GRID2: variants seen among roughly 807,000 people sequenced by gnomAD.
GRID2 encodes glutamate receptor ionotropic, delta-2.
A neutral mutation model predicts 114.8 loss-of-function variants in GRID2; 33 were observed. That is an observed-to-expected ratio of 0.29 (90% CI 0.22 to 0.38). The LOEUF is 0.38. Among genes scored for constraint, GRID2 ranks in the 10% least tolerant of loss-of-function variants. The pLI, the probability that GRID2 is intolerant of heterozygous loss-of-function variation, is 1.00. For missense variants in GRID2, 1,184 were observed against 1,257.7 expected (o/e 0.94, Z 0.89); for synonymous variants, 505 against 449.9 (o/e 1.12, Z -1.55).
In GRID2 at chr4:93,192,637, C is replaced by T. The variant is rs149098096; in HGVS notation, c.736-14767C>T. Among the ~76,000 whole-genome samples the T allele has an allele frequency of 4.2e-3, 628 of 151,234 alleles. 8 individuals carry two copies. Among genetic ancestry groups the T allele is most frequent in the African/African-American group, 0.015 (606 of 41,142 alleles). On this transcript the variant is annotated intron_variant, in intron 4 of 15. Coordinates refer to ENST00000282020, the MANE Select transcript of GRID2 (RefSeq NM_001510.4). ...TGGCAGGTGCCTCTAATCCCAGCTA[C>T]TCGGGAGGCTGAGGCAGGAGAATTG...
intron 1 of GRID2, among the ~76,000 whole-genome samples, chr4:93,801,810 AT>A (rs1181897672): frequency 4.6e-5 from 7 of 152,234 alleles, no homozygotes; most frequent in African/African-American, 1.7e-4. Context: ...ACTAATAATT[AT>A]GGGGGAAATT....
intron 1 of GRID2, among the ~76,000 whole-genome samples, chr4:92,484,699 T>C (rs35400056): frequency 0.28 from 43,181 of 151,880 alleles, 6,183 homozygotes; most frequent in Middle Eastern, 0.35. Flanking sequence ...CTAAAAATTC[T>C]GGGTCTAGTT....
intron 11 of GRID2, among the ~76,000 whole-genome samples, chr4:93,487,895 G>C (rs1271502862): frequency 6.6e-6 from 1 of 151,898 alleles, no homozygotes; most frequent in Admixed American, 6.6e-5. Context: ...ACCAAAATTG[G>C]AAGTCAAGAT....
chr4:93,093,074 C>G (rs147114120), intron 3 of GRID2, among the ~76,000 whole-genome samples: 1 of 152,004 alleles, frequency 6.6e-6, no homozygotes, highest in African/African-American at 2.4e-5. Context: ...CTGCATCTCA[C>G]GGCCCTTTAG....
intron 1 of GRID2, among the ~76,000 whole-genome samples, chr4:92,579,573 A>G (rs892526856): frequency 6.6e-6 from 1 of 152,024 alleles, no homozygotes; most frequent in African/African-American, 2.4e-5. Context: ...CTTGGAACCC[A>G]GAGAGTTTTA....
At chr4:92,450,558 T>C (rs1218466863) in intron 1 of GRID2, among the ~76,000 whole-genome samples, 2 of 152,114 alleles carry the variant, frequency 1.3e-5, no homozygotes, top group Non-Finnish European at 2.9e-5. Flanking sequence ...TTCTCTGTTT[T>C]TTCAGCTTCA....
rs74331657 is a variant in GRID2 at position 93,079,672 on chromosome 4, C to T, written c.245-5323C>T. On this transcript the variant is annotated intron_variant, in intron 2 of 15. Transcript: ENST00000282020. Reference sequence around the variant, plus strand: ...TACTTGAAAGTTGGAATAATAATAGCTTTTCTGCACACGGTTGTTATGAGA... The same window carrying T: ...TACTTGAAAGTTGGAATAATAATAGTTTTTCTGCACACGGTTGTTATGAGA... 4.3e-3 allele frequency among the ~76,000 whole-genome samples: 660 copies of T among 152,104 alleles called. 8 individuals carry two copies. Among genetic ancestry groups the T allele is most frequent in the African/African-American group, 0.015 (634 of 41,530 alleles).
intron 2 of GRID2, among the ~76,000 whole-genome samples, chr4:92,646,022 A>AC (rs1205358693): frequency 6.6e-6 from 1 of 151,714 alleles, no homozygotes; most frequent in Non-Finnish European, 1.5e-5. Flanking sequence ...CTGAAAAAGA[A>AC]TTTTCCATCT....
chr4:92,610,373 T>C (rs903830491), intron 2 of GRID2, among the ~76,000 whole-genome samples: 2 of 151,644 alleles, frequency 1.3e-5, no homozygotes, highest in South Asian at 2.1e-4. Context: ...AATACCCACT[T>C]TATGTGTGTG....
Position 92,304,216 on chromosome 4 carries a change from CT to C in GRID2, c.-435del. The C allele has an allele frequency of 1.1e-5, 2 of 177,450 alleles. No homozygotes were observed. Among genetic ancestry groups the C allele is most frequent in the East Asian group, 1.8e-4 (1 of 5,438 alleles). The allele number at this position is 177,450 out of a possible 1,614,324, so 11.0% of individuals were successfully genotyped here. On this transcript the variant is annotated 5_prime_UTR_variant, in exon 1 of 16. Transcript: ENST00000282020. ...GGGCTGTAGGGGCGGGGGCGGGGGTCTTTTTTGGTCCGAGAGGGTGCGGGGA... is the reference window on the plus strand; with the variant it reads ...GGGCTGTAGGGGCGGGGGCGGGGGTCTTTTTGGTCCGAGAGGGTGCGGGGA...
intron 2 of GRID2, among the ~76,000 whole-genome samples, chr4:92,937,268 C>T (rs1046242951): frequency 5.5e-5 from 8 of 146,484 alleles, no homozygotes; most frequent in African/African-American, 1.5e-4. Flanking sequence ...ATTACCAAAT[C>T]CAAGGTCATA....
intron 4 of GRID2, among the ~76,000 whole-genome samples, chr4:93,188,727 C>G (rs891508763): frequency 1.3e-5 from 2 of 152,096 alleles, no homozygotes; most frequent in Non-Finnish European, 2.9e-5. Flanking sequence ...TTACATTTTA[C>G]TATAAGCAAT....
chr4:93,686,003 CACT>C (rs760752975), intron 14 of GRID2, among the ~76,000 whole-genome samples: 16 of 151,970 alleles, frequency 1.1e-4, no homozygotes, highest in Non-Finnish European at 2.4e-4. Context: ...TTAGTACCAC[CACT>C]ACTACTGCTG....
chr4:93,174,533 C>T lies in GRID2; in HGVS notation c.736-32871C>T, dbSNP rs573479896. Among the ~76,000 whole-genome samples, 13 of 152,170 alleles carry T rather than the reference C, an allele frequency of 8.5e-5. No individual in the cohort carries two copies. In the South Asian group the frequency reaches 1.0e-3, roughly 12 times the overall value. On this transcript the variant is annotated intron_variant, in intron 4 of 15. Transcript: ENST00000282020. ...ATTCATATGTTGAAGCTTTAACCCC[C>T]GATATGACTGTATCTGGAGATAGGG... is the stretch of plus-strand genomic sequence containing the variant.
chr4:92,953,049 C>T (rs1578583644), intron 2 of GRID2, among the ~76,000 whole-genome samples: 1 of 152,182 alleles, frequency 6.6e-6, no homozygotes, highest in Non-Finnish European at 1.5e-5. Flanking sequence ...AAGGCATTCT[C>T]CCTGTGTGTG....
At chr4:92,700,758 C>T (rs1045659046) in intron 2 of GRID2, among the ~76,000 whole-genome samples, 2 of 152,020 alleles carry the variant, frequency 1.3e-5, no homozygotes, top group Non-Finnish European at 2.9e-5. Flanking sequence ...TTTGGGAGAC[C>T]GAGGTGGGTG....
At chr4:93,366,134 C>G (rs1483117115) in intron 8 of GRID2, among the ~76,000 whole-genome samples, 2 of 152,166 alleles carry the variant, frequency 1.3e-5, no homozygotes, top group East Asian at 3.9e-4. Flanking sequence ...AAAAAAAGAA[C>G]AGGATAACAG....
At chr4:93,443,408 A>T (rs569769822) in intron 10 of GRID2, among the ~76,000 whole-genome samples, 3 of 152,024 alleles carry the variant, frequency 2.0e-5, no homozygotes, top group Non-Finnish European at 4.4e-5. Context: ...ATTAAAAAGG[A>T]CATATGTGCT....
At chr4:93,428,387 A>G (rs1769058958) in intron 10 of GRID2, among the ~76,000 whole-genome samples, 1 of 152,132 alleles carries the variant, frequency 6.6e-6, no homozygotes, top group South Asian at 2.1e-4. Flanking sequence ...AAAAGGCTCT[A>G]TCCATAACAT....
Sources: allele counts gnomAD v4.1 joint callset (sites outside exome capture counted in the v4.1 genomes callset), GRCh38; gene constraint gnomAD v4.1.1; transcripts MANE v1.5; gene names NCBI Gene and HGNC (gene_info 2026-07-23, HGNC 2026-07-21).